Variants in UNC93A observed in about 807,000 individuals in gnomAD.
UNC93A encodes the protein unc-93 homolog A.
Under a neutral mutation model 47.5 loss-of-function variants are expected in UNC93A, and 43 were observed. The observed-to-expected ratio is 0.91, with a 90% CI of 0.71 to 1.17. The LOEUF is 1.17. UNC93A is among the 50% of genes most tolerant of loss of function. UNC93A has a pLI of 0.00. For missense variants in UNC93A, 605 were observed against 577.6 expected (o/e 1.05, Z -0.49); for synonymous variants, 280 against 258.0 (o/e 1.09, Z -0.82).
In UNC93A at chr6:167,297,972, C is replaced by A. The variant is rs1230293871; in HGVS notation, c.527C>A (p.Ser176Tyr). 1 of 1,614,110 alleles carries A rather than the reference C, an allele frequency of 6.2e-7. No homozygotes were observed. The highest frequency in any genetic ancestry group is 8.5e-7 in the Non-Finnish European group (1 of 1,180,012). The change falls in exon 4 of 8, where the codon TCC (serine) becomes TAC (tyrosine). Residue 176 changes from serine to tyrosine, a missense_variant. Physicochemically the swap from Ser to Tyr is moderately radical, Grantham distance 144. Transcript: ENST00000230256. ...ACCCTTCCAGAAGAGCAGCTCACGTCCTGTGGGGCCAGTGACTGCCTGATG... is the reference window on the plus strand; with the variant it reads ...ACCCTTCCAGAAGAGCAGCTCACGTACTGTGGGGCCAGTGACTGCCTGATG... The part of the protein sequence containing the change: ...QETLPEEQLT[S>Y]CGASDCLMAT...
At chr6:167,301,916 C>T (rs1252486738) in intron 4 of UNC93A, among the ~76,000 whole-genome samples, 3 of 152,132 alleles carry the variant, frequency 2.0e-5, no homozygotes, top group Non-Finnish European at 2.9e-5. Flanking sequence ...CCTGCCAGAC[C>T]ACATGGTGGC....
chr6:167,277,163 T>A (rs1019290978), intron 1 of UNC93A, among the ~76,000 whole-genome samples: 1 of 152,252 alleles, frequency 6.6e-6, no homozygotes, highest in South Asian at 2.1e-4. Flanking sequence ...TTGCACCTTG[T>A]TGACTGGTCA....
chr6:167,284,292 C>T (rs1011752886), intron 1 of UNC93A, among the ~76,000 whole-genome samples: 3 of 151,792 alleles, frequency 2.0e-5, no homozygotes. Flanking sequence ...TCATAGACCA[C>T]AATGATAACA....
intron 1 of UNC93A, among the ~76,000 whole-genome samples, chr6:167,276,970 G>A (rs1783554370): frequency 6.6e-6 from 1 of 152,228 alleles, no homozygotes; most frequent in Non-Finnish European, 1.5e-5. Flanking sequence ...ATGCGCTGCA[G>A]GCAGCAGGGA....
chr6:167,283,250 C>G (rs1313268814), intron 1 of UNC93A, among the ~76,000 whole-genome samples: 1 of 152,172 alleles, frequency 6.6e-6, no homozygotes, highest in East Asian at 1.9e-4. Context: ...AGCCTGCTAT[C>G]TGTCATGTGA....
At chr6:167,299,569 G>A (rs1243355569) in intron 4 of UNC93A, among the ~76,000 whole-genome samples, 1 of 152,218 alleles carries the variant, frequency 6.6e-6, no homozygotes, top group Non-Finnish European at 1.5e-5. Flanking sequence ...TAAGCTGAGA[G>A]CCTAGTGAAG....
At chr6:167,284,870 G>A (rs922164025) in intron 1 of UNC93A, among the ~76,000 whole-genome samples, 30 of 151,286 alleles carry the variant, frequency 2.0e-4, no homozygotes, top group Non-Finnish European at 3.1e-4. Context: ...ACAGAGGTCC[G>A]TGGGTCCTTA....
intron 1 of UNC93A, among the ~76,000 whole-genome samples, chr6:167,281,349 T>C (rs1386982942): frequency 6.6e-6 from 1 of 152,144 alleles, no homozygotes; most frequent in Non-Finnish European, 1.5e-5. Context: ...GCCTGTTTAT[T>C]CTGAGACCAG....
chr6:167,292,342 T>C (rs1783859907), intron 1 of UNC93A, among the ~76,000 whole-genome samples: 1 of 152,164 alleles, frequency 6.6e-6, no homozygotes, highest in African/African-American at 2.4e-5. Flanking sequence ...GATGACAAAT[T>C]AGTGTGGTCT....
intron 1 of UNC93A, among the ~76,000 whole-genome samples, chr6:167,279,356 A>G (rs1003071681): frequency 1.3e-5 from 2 of 152,180 alleles, no homozygotes; most frequent in African/African-American, 2.4e-5. Flanking sequence ...TCCATTTGCA[A>G]TTCATTTCAA....
chr6:167,276,354 G>C (rs1000078011), intron 1 of UNC93A, among the ~76,000 whole-genome samples: 1 of 152,042 alleles, frequency 6.6e-6, no homozygotes, highest in African/African-American at 2.4e-5. Context: ...CCTTCCCTCT[G>C]GATGAACACC....
At chr6:167,286,414 C>A (rs1435573528), upstream of UNC93A, among the ~76,000 whole-genome samples, 1 of 152,214 alleles carries the variant, frequency 6.6e-6, no homozygotes, top group African/African-American at 2.4e-5. Context: ...TGGAAACAAA[C>A]GGGGAAAATG....
intron 7 of UNC93A, among the ~76,000 whole-genome samples, chr6:167,308,451 C>A (rs1054174716): frequency 6.6e-6 from 1 of 151,964 alleles, no homozygotes; most frequent in Non-Finnish European, 1.5e-5. Context: ...TTTCTGGGAG[C>A]AGCAGGTGGG....
intron 7 of UNC93A, among the ~76,000 whole-genome samples, chr6:167,314,091 G>A (rs1280075798): frequency 1.3e-5 from 2 of 152,138 alleles, no homozygotes; most frequent in Non-Finnish European, 2.9e-5. Flanking sequence ...AGTAGAGGGA[G>A]CATTCATGAT....
chr6:167,298,122 CTCCT>C lies in UNC93A; in HGVS notation c.625+57_625+60del, dbSNP rs745668339. 2.5e-6 allele frequency: 4 copies of C among 1,586,622 alleles called. No homozygotes were observed. In the East Asian group the frequency reaches 9.0e-5, roughly 36 times the overall value. On this transcript the variant is annotated intron_variant, in intron 4 of 7. Transcript: ENST00000230256. ...GGTCCCTAGCAAAGCAGAGCCAAGC[CTCCT>C]TCCTGGGCTGACAAAGACTGTCTCT...
At chr6:167,288,162 G>A (rs1783773821), upstream of UNC93A, among the ~76,000 whole-genome samples, 1 of 152,148 alleles carries the variant, frequency 6.6e-6, no homozygotes, top group Non-Finnish European at 1.5e-5. Context: ...GCCACACGAT[G>A]GGTCTCTGCC....
chr6:167,293,985 C>T (rs1242495622), intron 1 of UNC93A, among the ~76,000 whole-genome samples: 2 of 152,210 alleles, frequency 1.3e-5, no homozygotes, highest in South Asian at 2.1e-4. Flanking sequence ...ACGAGGGCCA[C>T]GTCCCTGGTC....
At chr6:167,305,410 T>G (rs1227592111) in intron 5 of UNC93A, among the ~76,000 whole-genome samples, 1 of 152,186 alleles carries the variant, frequency 6.6e-6, no homozygotes, top group African/African-American at 2.4e-5. Context: ...CTCGTCTCAG[T>G]CCCTGTTCTG....
At chr6:167,285,848 T>C (rs1783717525) in intron 1 of UNC93A, among the ~76,000 whole-genome samples, 2 of 151,494 alleles carry the variant, frequency 1.3e-5, no homozygotes, top group Admixed American at 6.7e-5. Flanking sequence ...CTTTAAAGTA[T>C]AGAAGTAGTA....
Sources: gnomAD v4.1 joint callset for allele counts (sites outside exome capture counted in the v4.1 genomes callset) on GRCh38, gnomAD v4.1.1 for gene constraint, MANE v1.5 for transcripts, NCBI Gene and HGNC (gene_info 2026-07-23, HGNC 2026-07-21) for gene names.